FKBP5: variants seen among roughly 807,000 people sequenced by gnomAD.
The protein encoded by FKBP5 is peptidyl-prolyl cis-trans isomerase FKBP5.
FKBP5 carries 23 observed loss-of-function variants against 50.5 expected under a neutral mutation model. That is an observed-to-expected ratio of 0.46 (90% CI 0.33 to 0.65). FKBP5 has a LOEUF of 0.65. FKBP5 is among the 30% of genes least tolerant of loss of function. The probability of loss-of-function intolerance (pLI) is 0.02; values close to 1 mark genes in which losing one functional copy is unlikely to be tolerated. For missense variants in FKBP5, 411 were observed against 553.1 expected (o/e 0.74, Z 2.58); for synonymous variants, 176 against 190.6 (o/e 0.92, Z 0.63).
chr6:35,586,132 T>C, intron 8 of FKBP5: 1 of 984,836 alleles, frequency 1.0e-6, no homozygotes, highest in Non-Finnish European at 1.2e-6. Context: ...CACTAAGCCC[T>C]TTCTGCTTGA....
At chr6:35,646,084 C>T (rs564651336) in intron 1 of FKBP5, among the ~76,000 whole-genome samples, 14 of 152,298 alleles carry the variant, frequency 9.2e-5, no homozygotes, top group African/African-American at 3.4e-4. Context: ...CCACTGCACT[C>T]TAGCCTGGGT....
intron 1 of FKBP5, among the ~76,000 whole-genome samples, chr6:35,683,158 GTGTGTGTGTGTGTGTGTGTA>G (rs1765727664): frequency 6.8e-6 from 1 of 147,326 alleles, no homozygotes; most frequent in African/African-American, 2.5e-5. Flanking sequence ...GTGTGTGTGT[GTGTGTGTGTGTGTGTGTGTA>G]TTTGAGACTG....
intron 7 of FKBP5, among the ~76,000 whole-genome samples, chr6:35,589,110 T>TTATATATA: frequency 9.7e-6 from 1 of 102,958 alleles, no homozygotes; most frequent in African/African-American, 4.2e-5. Context: ...ATATATATTT[T>TTATATATA]TATATATATA....
intron 3 of FKBP5, among the ~76,000 whole-genome samples, chr6:35,631,905 AG>A (rs1764169828): frequency 6.8e-6 from 1 of 147,458 alleles, no homozygotes; most frequent in South Asian, 2.2e-4. Context: ...CAATGAGCGG[AG>A]ATCACGCCAC....
intron 8 of FKBP5, chr6:35,583,345 C>T (rs1180695558): frequency 2.5e-5 from 25 of 985,118 alleles, no homozygotes; most frequent in Non-Finnish European, 2.4e-5. Context: ...CTTAACATTT[C>T]AATAAGTTCT....
intron 1 of FKBP5, among the ~76,000 whole-genome samples, chr6:35,722,278 G>A (rs1766625457): frequency 6.6e-6 from 1 of 152,130 alleles, no homozygotes; most frequent in South Asian, 2.1e-4. Flanking sequence ...GGTGCTCAGA[G>A]CAGCACCTGG....
intron 8 of FKBP5, chr6:35,583,119 C>T: frequency 1.0e-6 from 1 of 985,346 alleles, no homozygotes; most frequent in South Asian, 4.7e-5. Flanking sequence ...AAACCTTTTG[C>T]TATCATTGGG....
At chr6:35,604,675 G>A (rs1053358755) in intron 5 of FKBP5, among the ~76,000 whole-genome samples, 2 of 152,090 alleles carry the variant, frequency 1.3e-5, no homozygotes, top group Admixed American at 6.5e-5. Flanking sequence ...GCTAGATACT[G>A]TTGTTGTTCT....
chr6:35,580,480 C>A (rs1387947244), intron 8 of FKBP5: 3 of 254,652 alleles, frequency 1.2e-5, no homozygotes, highest in East Asian at 7.0e-5. Context: ...AGGTGTAGTA[C>A]AGCAAGGCTT....
At chr6:35,608,374 A>C (rs1763392865) in intron 5 of FKBP5, among the ~76,000 whole-genome samples, 1 of 150,910 alleles carries the variant, frequency 6.6e-6, no homozygotes, top group Admixed American at 6.6e-5. Flanking sequence ...TAAAAGAATT[A>C]ATCAGCATAA....
chr6:35,627,521 C>T (rs1355298093), intron 3 of FKBP5, among the ~76,000 whole-genome samples: 2 of 151,974 alleles, frequency 1.3e-5, no homozygotes, highest in Non-Finnish European at 2.9e-5. Flanking sequence ...GGTATTAATC[C>T]CTTATCAGAT....
intron 3 of FKBP5, among the ~76,000 whole-genome samples, chr6:35,635,766 T>C (rs937101571): frequency 2.0e-5 from 3 of 152,228 alleles, no homozygotes; most frequent in African/African-American, 7.2e-5. Flanking sequence ...TGGAAATGTG[T>C]TTGACTTGTA....
intron 2 of FKBP5, among the ~76,000 whole-genome samples, chr6:35,699,408 G>A (rs1447636391): frequency 6.6e-6 from 1 of 152,124 alleles, no homozygotes; most frequent in Non-Finnish European, 1.5e-5. Context: ...CAAGGGGAGG[G>A]AACTAACAAT....
rs1016538518 is a variant in FKBP5 at position 35,699,139 on chromosome 6, G to A, written c.-20+21189C>T. Reference sequence around the variant, plus strand: ...ACTTCCAAACTGGCCTTACTCACACGGAAGGCAAGTAAGACCCTAGCTGTG... The same window carrying A: ...ACTTCCAAACTGGCCTTACTCACACAGAAGGCAAGTAAGACCCTAGCTGTG... On this transcript the variant is annotated intron_variant, in intron 2 of 11. Transcript: ENST00000536438. Among the ~76,000 whole-genome samples, 17 of 152,250 alleles carry A rather than the reference G, an allele frequency of 1.1e-4. No individual in the cohort carries two copies. In the East Asian group the frequency reaches 1.2e-3, roughly 10 times the overall value.
chr6:35,603,445 T>G (rs1306790567), intron 5 of FKBP5, among the ~76,000 whole-genome samples: 1 of 152,182 alleles, frequency 6.6e-6, no homozygotes, highest in Non-Finnish European at 1.5e-5. Flanking sequence ...CAAGTAAATA[T>G]TTATTTAATG....
chr6:35,612,675 C>A (rs186842904), intron 5 of FKBP5, among the ~76,000 whole-genome samples: 1 of 152,238 alleles, frequency 6.6e-6, no homozygotes, highest in Non-Finnish European at 1.5e-5. Context: ...GAAGCAAACA[C>A]ACCCTTCTTC....
intron 1 of FKBP5, among the ~76,000 whole-genome samples, chr6:35,649,856 G>A (rs576214323): frequency 7.0e-4 from 106 of 152,254 alleles, no homozygotes; most frequent in African/African-American, 2.3e-3. Context: ...AATTTTAACC[G>A]TATGGCTAAA....
intron 2 of FKBP5, among the ~76,000 whole-genome samples, chr6:35,704,923 C>T (rs1294097243): frequency 6.6e-6 from 1 of 151,612 alleles, no homozygotes; most frequent in Admixed American, 6.6e-5. Flanking sequence ...GGGCGGATCA[C>T]GAGGTCAGGA....
intron 1 of FKBP5, among the ~76,000 whole-genome samples, chr6:35,666,393 T>TGAAAAAAAAAAAAAAAAAA (rs1765218306): frequency 6.2e-5 from 1 of 16,168 alleles, no homozygotes; most frequent in Non-Finnish European, 1.3e-4. Context: ...ACTATTATAG[T>TGAAAAAAAAAAAAAAAAAA]TAAAAAAAAA....
Sources: allele counts gnomAD v4.1 joint callset (sites outside exome capture counted in the v4.1 genomes callset), GRCh38; gene constraint gnomAD v4.1.1; transcripts MANE v1.5; gene names NCBI Gene and HGNC (gene_info 2026-07-23, HGNC 2026-07-21).